Variants in SHTN1 observed in about 807,000 individuals in gnomAD.
The protein encoded by SHTN1 is shootin-1.
A neutral mutation model predicts 83.1 loss-of-function variants in SHTN1; 42 were observed. The observed-to-expected ratio is 0.51, with a 90% CI of 0.39 to 0.65. SHTN1 has a LOEUF of 0.65. Among genes scored for constraint, SHTN1 ranks in the 30% least tolerant of loss-of-function variants. SHTN1 has a pLI of 0.00. For synonymous variants in SHTN1, 224 were observed against 247.7 expected (o/e 0.90, Z 0.90); for missense variants, 622 against 737.8 (o/e 0.84, Z 1.82).
At chr10:116,982,846 T>G (rs1008273467) in intron 1 of SHTN1, among the ~76,000 whole-genome samples, 1 of 151,922 alleles carries the variant, frequency 6.6e-6, no homozygotes, top group Admixed American at 6.6e-5. Flanking sequence ...CCTGTAATCC[T>G]AGCTACTCTG....
chr10:117,013,411 T>C (rs1036079853), intron 2 of SHTN1, among the ~76,000 whole-genome samples: 7 of 152,152 alleles, frequency 4.6e-5, no homozygotes, highest in Admixed American at 2.6e-4. Context: ...TGATCTCAGG[T>C]GATCTGCCCA....
At chr10:117,004,953 C>T in intron 1 of SHTN1, 69 bp downstream of exon 1, 3 of 1,459,302 alleles carry the variant, frequency 2.1e-6, no homozygotes, top group Non-Finnish European at 2.8e-6. Context: ...TGCCCTGGCC[C>T]CAGCGCCCTG....
chr10:116,988,579 C>T (rs899394343), intron 1 of SHTN1, among the ~76,000 whole-genome samples: 10 of 150,918 alleles, frequency 6.6e-5, no homozygotes, highest in African/African-American at 2.2e-4. Context: ...GACAGGGTCT[C>T]ACTCTGTCAC....
upstream of SHTN1, chr10:117,005,284 T>G (rs1851977714): frequency 2.1e-6 from 3 of 1,419,590 alleles, no homozygotes; most frequent in South Asian, 1.4e-5. Flanking sequence ...CCGCTTCACC[T>G]GCAGGCGGGG....
At chr10:117,030,937 G>T (rs1462168097) in intron 2 of SHTN1, among the ~76,000 whole-genome samples, 1 of 152,054 alleles carries the variant, frequency 6.6e-6, no homozygotes, top group African/African-American at 2.4e-5. Flanking sequence ...GGGGTAGAAA[G>T]TTTATTCAAA....
At chr10:117,005,698 G>T (rs899903440), upstream of SHTN1, 16 of 493,724 alleles carry the variant, frequency 3.2e-5, no homozygotes, top group African/African-American at 3.3e-4. Flanking sequence ...CCTTGAAGAG[G>T]AGACAAGGAT....
intron 8 of SHTN1, among the ~76,000 whole-genome samples, chr10:116,943,953 C>T (rs1185535861): frequency 1.3e-5 from 2 of 152,120 alleles, no homozygotes; most frequent in East Asian, 3.9e-4. Flanking sequence ...GAAGACCCAA[C>T]GACTGCATGT....
At chr10:116,978,883 A>C (rs1850908729) in intron 2 of SHTN1, among the ~76,000 whole-genome samples, 1 of 152,186 alleles carries the variant, frequency 6.6e-6, no homozygotes, top group Admixed American at 6.5e-5. Context: ...TTTCTCTAGG[A>C]CCCAATGTGT....
chr10:117,005,173 C>A lies in SHTN1; in HGVS notation c.-94G>T. 6.5e-7 allele frequency: 1 copy of A among 1,541,630 alleles called. No homozygotes were observed. ...GAAAAAGCAAGATGCCGGTGGCTTG[C>A]GGCTCCACTACCCGGAAGTTGGATC... On this transcript the variant is annotated 5_prime_UTR_variant, in exon 1 of 17. Coordinates refer to ENST00000355371, the MANE Select transcript of SHTN1 (RefSeq NM_001127211.3).
At chr10:116,993,983 A>G (rs1851538417) in intron 1 of SHTN1, among the ~76,000 whole-genome samples, 1 of 152,156 alleles carries the variant, frequency 6.6e-6, no homozygotes, top group Non-Finnish European at 1.5e-5. Flanking sequence ...TCTGTTAGCA[A>G]GCTTTAAAAA....
At chr10:116,936,547 C>T (rs1047844152) in intron 9 of SHTN1, among the ~76,000 whole-genome samples, 3 of 152,094 alleles carry the variant, frequency 2.0e-5, no homozygotes, top group African/African-American at 7.2e-5. Context: ...TTTATGATTT[C>T]CATTCTTCTG....
intron 1 of SHTN1, among the ~76,000 whole-genome samples, chr10:117,091,266 T>C (rs1853426635): frequency 6.6e-6 from 1 of 152,232 alleles, no homozygotes; most frequent in South Asian, 2.1e-4. Context: ...TTTACATGGA[T>C]TGTATCACTT....
At chr10:116,919,341 TG>T (rs1003592325) in intron 12 of SHTN1, among the ~76,000 whole-genome samples, 18 of 152,222 alleles carry the variant, frequency 1.2e-4, no homozygotes, top group Non-Finnish European at 1.8e-4. Context: ...TATTCAAGGC[TG>T]TGTGTTTTTT....
At chr10:116,948,892 GA>G (rs777144552) in intron 7 of SHTN1, 23 bp downstream of exon 7, 8 of 1,495,298 alleles carry the variant, frequency 5.4e-6, no homozygotes, top group African/African-American at 4.3e-5. Context: ...ACGTATTTGA[GA>G]AAAAAAGACT....
At chr10:117,124,964 G>C (rs558372257) in intron 1 of SHTN1, among the ~76,000 whole-genome samples, 1 of 152,158 alleles carries the variant, frequency 6.6e-6, no homozygotes, top group South Asian at 2.1e-4. Flanking sequence ...ACCTTGCCCC[G>C]AGTTACTTGG....
chr10:116,988,583 C>G (rs995043986), intron 1 of SHTN1, among the ~76,000 whole-genome samples: 3 of 151,416 alleles, frequency 2.0e-5, no homozygotes, highest in South Asian at 2.1e-4. Context: ...GGGTCTCACT[C>G]TGTCACCCAG....
At chr10:116,957,300 T>A (rs1421989323) in intron 4 of SHTN1, among the ~76,000 whole-genome samples, 1 of 150,236 alleles carries the variant, frequency 6.7e-6, no homozygotes, top group African/African-American at 2.5e-5. Flanking sequence ...TGTCACCAGG[T>A]TGGAGTAGAG....
intron 1 of SHTN1, among the ~76,000 whole-genome samples, chr10:117,070,637 A>C (rs1300861932): frequency 6.6e-6 from 1 of 151,510 alleles, no homozygotes; most frequent in African/African-American, 2.4e-5. Flanking sequence ...TTCAGAGAAG[A>C]AGCACGCAGG....
chr10:116,961,708 T>C (rs1262936238), intron 3 of SHTN1, among the ~76,000 whole-genome samples: 1 of 152,148 alleles, frequency 6.6e-6, no homozygotes, highest in East Asian at 1.9e-4. Flanking sequence ...TGGTAGACAT[T>C]GTAAATAAAC....
Sources: allele counts gnomAD v4.1 joint callset (sites outside exome capture counted in the v4.1 genomes callset), GRCh38; gene constraint gnomAD v4.1.1; transcripts MANE v1.5; gene names NCBI Gene and HGNC (gene_info 2026-07-23, HGNC 2026-07-21).